The following MGAM2 variants were observed in gnomAD, a reference collection of about 807,000 sequenced individuals.
MGAM2 encodes the protein maltase-glucoamylase 2 (putative).
MGAM2 carries 98 observed loss-of-function variants against 96.1 expected under a neutral mutation model. That is an observed-to-expected ratio of 1.02 (90% CI 0.87 to 1.21). The LOEUF is 1.21. Among genes scored for constraint, MGAM2 ranks in the 50% most tolerant of loss-of-function variants. The pLI is 0.00. For synonymous variants in MGAM2, 749 were observed against 414.8 expected, an observed-to-expected ratio of 1.81 and a Z score of -9.79; for missense variants, 2,055 against 1,182.4, an observed-to-expected ratio of 1.74 and a Z score of -10.82.
At chr7:142,202,380 A>G (rs1187675162) in intron 45 of MGAM2, among the ~76,000 whole-genome samples, 2 of 152,174 alleles carry the variant, frequency 1.3e-5, no homozygotes, top group Non-Finnish European at 2.9e-5. Context: ...GATGTATTGT[A>G]TGATGCTGAG....
intron 40 of MGAM2, among the ~76,000 whole-genome samples, 189 bp from the exon 41 acceptor site, chr7:142,197,211 G>A (rs1264944005): frequency 6.6e-6 from 1 of 152,194 alleles, no homozygotes; most frequent in African/African-American, 2.4e-5. Flanking sequence ...AGGAATCAGT[G>A]ATAAAGAGGA....
intron 46 of MGAM2, among the ~76,000 whole-genome samples, chr7:142,215,352 T>C (rs1423192353): frequency 6.6e-6 from 1 of 151,888 alleles, no homozygotes; most frequent in Non-Finnish European, 1.5e-5. Context: ...CTAATGTAGA[T>C]GACGGGTTGA....
intron 3 of MGAM2, among the ~76,000 whole-genome samples, chr7:142,126,192 C>T (rs563488683): frequency 2.0e-5 from 3 of 151,938 alleles, no homozygotes; most frequent in Admixed American, 6.5e-5. Context: ...AATTTGGAAC[C>T]ATTTTCACTT....
Position 142,148,279 on chromosome 7 carries a change from T to G in MGAM2, c.1634+706T>G, listed in dbSNP as rs558981325. On this transcript the variant is annotated intron_variant, in intron 15 of 47. Transcript: ENST00000477922. This position sits in a 1 kb window ranked among gnomAD's most constrained non-coding sequence, Gnocchi z 4.2. The stretch of plus-strand genomic sequence containing the variant: ...ACCACCATCCCCCCCACCACCACAA[T>G]CACTATCACCATCACCACCACCCAC... Among the ~76,000 whole-genome samples, 1 of 145,624 alleles carries G rather than the reference T, an allele frequency of 6.9e-6. No individual in the cohort carries two copies. The highest frequency in any genetic ancestry group is 1.5e-5 in the Non-Finnish European group (1 of 66,064).
chr7:142,201,267 G>A (rs188207837), intron 45 of MGAM2, among the ~76,000 whole-genome samples: 16 of 151,074 alleles, frequency 1.1e-4, no homozygotes, highest in Admixed American at 2.6e-4. Flanking sequence ...ATGGGGTTTC[G>A]CCATGTTGGC....
Position 142,116,941 on chromosome 7 carries a change from A to T in MGAM2, c.68A>T (p.Asp23Val), listed in dbSNP as rs1379849154. The part of the protein sequence containing the change: ...IIFCLIVVTI[D>V]ILLLLLVLEE... ...TTCTGCTTAATTGTGGTGACCATAG[A>T]TATCCTCTTGCTGCTTCTTGTGTTG... is the stretch of plus-strand genomic sequence containing the variant. The change falls in exon 2 of 48, where the codon GAT becomes GTT. Residue 23 changes from aspartate to valine, a missense_variant. Physicochemically the swap from Asp to Val is radical, Grantham distance 152. Transcript: ENST00000477922. 1 of 703,200 alleles carries T rather than the reference A, an allele frequency of 1.4e-6. No homozygotes were observed. Among genetic ancestry groups the T allele is most frequent in the African/African-American group, 1.7e-5 (1 of 57,226 alleles). 43.6% of individuals were successfully genotyped at this position (703,200 alleles called of 1,614,324 possible).
At chr7:142,172,376 A>G (rs1438234664) in intron 29 of MGAM2, among the ~76,000 whole-genome samples, 182 bp downstream of exon 29, 1 of 152,178 alleles carries the variant, frequency 6.6e-6, no homozygotes, top group Non-Finnish European at 1.5e-5. Flanking sequence ...GGTGTTAGGC[A>G]TGGAATTTTG....
rs1797911369 is a variant in MGAM2 at position 142,221,040 on chromosome 7, A to G, written c.6529A>G (p.Thr2177Ala). 1.4e-6 allele frequency: 1 copy of G among 702,454 alleles called. No homozygotes were observed. The highest frequency in any genetic ancestry group is 1.5e-5 in the South Asian group (1 of 67,590). The allele number at this position is 702,454 out of a possible 1,614,324, so 43.5% of individuals were successfully genotyped here. A position where few individuals can be genotyped will look rare whatever the true frequency, so the allele number is the denominator to read the frequency against. The change falls in exon 48 of 48, where the codon ACT becomes GCT. Residue 2177 changes from threonine to alanine, a missense_variant. Coordinates refer to ENST00000477922, the MANE Select transcript of MGAM2 (RefSeq NM_001293626.2). ...TACTGATGATACTGTTCCTAATAAT[A>G]CTGTTCCAGTTACAGCTATTCCTTC... Reference protein sequence around the residue: ...TSTDDTVPNNTVPVTAIPSLA... With the variant: ...TSTDDTVPNNAVPVTAIPSLA...
At position 142,166,277 on chromosome 7, in the gene MGAM2, C is replaced by T. The variant is rs1399178643; in HGVS notation, c.2808+24C>T. On this transcript the variant is annotated intron_variant, in intron 25 of 47. Transcript: ENST00000477922. ...AGGTAAATGACCAGAAACAGATTACCTCATTGATTAGGAAGTAATTAGGCA... is the reference window on the plus strand; with the variant it reads ...AGGTAAATGACCAGAAACAGATTACTTCATTGATTAGGAAGTAATTAGGCA... The T allele has an allele frequency of 1.4e-4, 97 of 681,512 alleles. No individual in the cohort carries two copies. The East Asian group carries it at 2.6e-3, about 18-fold the overall frequency. The allele number at this position is 681,512 out of a possible 1,614,324, so 42.2% of individuals were successfully genotyped here.
chr7:142,203,747 A>G (rs1797311079), intron 45 of MGAM2, among the ~76,000 whole-genome samples: 1 of 152,154 alleles, frequency 6.6e-6, no homozygotes, highest in Non-Finnish European at 1.5e-5. Flanking sequence ...AGCAGTAGGG[A>G]AAGACTCTAT....
intron 26 of MGAM2, 22 bp downstream of exon 26, chr7:142,167,508 C>G: frequency 1.4e-6 from 1 of 702,916 alleles, no homozygotes; most frequent in Non-Finnish European, 2.6e-6. Flanking sequence ...GTTGCAGATT[C>G]TGGTTCTCAA....
chr7:142,136,287 C>T (rs538542119), intron 7 of MGAM2, among the ~76,000 whole-genome samples: 1 of 152,216 alleles, frequency 6.6e-6, no homozygotes, highest in South Asian at 2.1e-4. Context: ...ATAACACTTT[C>T]AAGGTTTATT....
chr7:142,197,673 T>G lies in MGAM2; in HGVS notation c.4811T>G (p.Ile1604Arg). 1 of 703,022 alleles carries G rather than the reference T, an allele frequency of 1.4e-6. No homozygotes were observed. Among genetic ancestry groups the G allele is most frequent in the East Asian group, 2.7e-5 (1 of 37,290 alleles). 43.5% of individuals were successfully genotyped at this position (703,022 alleles called of 1,614,324 possible). A position where few individuals can be genotyped will look rare whatever the true frequency, so the allele number is the denominator to read the frequency against. The change falls in exon 42 of 48, where the codon ATA (isoleucine) becomes AGA (arginine). Residue 1604 changes from isoleucine to arginine, a missense_variant. Transcript: ENST00000477922. ...ACGGATGACAGGACAACATGGGATA[T>G]AGACCGTCAGTTCATGTTGGGCCCT... is the stretch of plus-strand genomic sequence containing the variant. ...EFTDDRTTWD[I>R]DRQFMLGPAI...
At chr7:142,153,452 A>G (rs12537171) in intron 15 of MGAM2, among the ~76,000 whole-genome samples, 31,355 of 152,156 alleles carry the variant, frequency 0.21, 4,043 homozygotes, top group East Asian at 0.36. Context: ...CTTATTTTGC[A>G]TAGATTAAAA....
chr7:142,135,500 C>T (rs1368379709), intron 7 of MGAM2, among the ~76,000 whole-genome samples: 1 of 151,882 alleles, frequency 6.6e-6, no homozygotes, highest in Non-Finnish European at 1.5e-5. Context: ...AAGTGTGATG[C>T]CATTAGTTTT....
At chr7:142,123,753 A>T (rs1396474185) in intron 3 of MGAM2, among the ~76,000 whole-genome samples, 1 of 152,144 alleles carries the variant, frequency 6.6e-6, no homozygotes, top group African/African-American at 2.4e-5. Context: ...TTGATGACAA[A>T]TAGCTCACAA....
intron 23 of MGAM2, among the ~76,000 whole-genome samples, chr7:142,163,328 C>CTGGA (rs913858250): frequency 6.6e-6 from 1 of 152,214 alleles, no homozygotes; most frequent in African/African-American, 2.4e-5. Flanking sequence ...GTTGCCCAGG[C>CTGGA]TGGAGTGCAA....
chr7:142,191,176 C>T (rs1347262990), intron 37 of MGAM2, among the ~76,000 whole-genome samples: 2 of 152,190 alleles, frequency 1.3e-5, no homozygotes, highest in South Asian at 4.2e-4. Context: ...TTTAAATATT[C>T]TAAATTCAAG....
At chr7:142,195,105 T>C (rs1796990552) in intron 37 of MGAM2, among the ~76,000 whole-genome samples, 1 of 152,100 alleles carries the variant, frequency 6.6e-6, no homozygotes, top group Non-Finnish European at 1.5e-5. Context: ...TGCTGTAGCT[T>C]TTATTTGGAT....
Sources: allele counts gnomAD v4.1 joint callset (sites outside exome capture counted in the v4.1 genomes callset), GRCh38; gene constraint gnomAD v4.1.1; non-coding constraint Gnocchi (gnomAD v3.1); transcripts MANE v1.5; gene names NCBI Gene and HGNC (gene_info 2026-07-23, HGNC 2026-07-21).